The following ASB18 variants were observed in gnomAD, a reference collection of about 807,000 sequenced individuals.
The protein encoded by ASB18 is ankyrin repeat and SOCS box protein 18.
Under a neutral mutation model 33.4 loss-of-function variants are expected in ASB18, and 33 were observed. The ratio of observed to expected loss-of-function variants is 0.99; its 90% CI spans 0.75 to 1.32. ASB18 has a LOEUF of 1.32. ASB18 is among the 40% of genes most tolerant of loss of function. The pLI is 0.00. For missense variants in ASB18, 694 were observed against 655.5 expected (o/e 1.06, Z -0.64); for synonymous variants, 295 against 307.6 (o/e 0.96, Z 0.43).
In ASB18 at chr2:236,260,564, C is replaced by T. The variant is rs2060713102; in HGVS notation, c.205+3577G>A. Reference sequence around the variant, plus strand: ...ACCTTGAGAAAGAGAACATTTGCTCCCACAGGAAAAAGGAACCTATGCCCA... The same window carrying T: ...ACCTTGAGAAAGAGAACATTTGCTCTCACAGGAAAAAGGAACCTATGCCCA... On this transcript the variant is annotated intron_variant, in intron 1 of 5. Coordinates refer to ENST00000409749, the MANE Select transcript of ASB18 (RefSeq NM_212556.4). The surrounding 1 kb of genome is among the most constrained non-coding windows in gnomAD (Gnocchi z 5.1). 6.6e-6 allele frequency among the ~76,000 whole-genome samples: 1 copy of T among 152,134 alleles called. No individual in the cohort carries two copies. Among genetic ancestry groups the T allele is most frequent in the Non-Finnish European group, 1.5e-5 (1 of 68,032 alleles).
In ASB18 at chr2:236,219,536, C is replaced by A. The variant is rs770386136; in HGVS notation, c.597-4670G>T. On this transcript the variant is annotated intron_variant, in intron 3 of 5. Coordinates refer to ENST00000409749, the MANE Select transcript of ASB18 (RefSeq NM_212556.4). This position sits in a 1 kb window ranked among gnomAD's most constrained non-coding sequence, Gnocchi z 6.4. ...CTGGGAGCTACTCAGTGATAACAAT[C>A]GTGGGGACCTCTCAGACCTGACCCC... is the stretch of plus-strand genomic sequence containing the variant. 6.6e-6 allele frequency among the ~76,000 whole-genome samples: 1 copy of A among 152,094 alleles called. No individual in the cohort carries two copies. The highest frequency in any genetic ancestry group is 1.5e-5 in the Non-Finnish European group (1 of 68,026).
chr2:236,202,814 T>TATATATATATATATATATACACAC (rs1472095135), intron 4 of ASB18, among the ~76,000 whole-genome samples: 12 of 126,592 alleles, frequency 9.5e-5, no homozygotes, highest in African/African-American at 3.5e-4. Context: ...TATATATATA[T>TATATATATATATATATATACACAC]ACACACACCT....
chr2:236,205,874 G>A lies in ASB18; in HGVS notation c.1101+8488C>T, dbSNP rs971955732. On this transcript the variant is annotated intron_variant, in intron 4 of 5. Transcript: ENST00000409749. This position sits in a 1 kb window ranked among gnomAD's most constrained non-coding sequence, Gnocchi z 5.4. ...TTACTATTACAGCAGAAACATCTGA[G>A]TCCAGCCTGGTTTTTATTCCTTTAT... 4.6e-5 allele frequency among the ~76,000 whole-genome samples: 7 copies of A among 152,146 alleles called. No homozygotes were observed. Among genetic ancestry groups the A allele is most frequent in the Non-Finnish European group, 8.8e-5 (6 of 68,038 alleles).
intron 3 of ASB18, among the ~76,000 whole-genome samples, chr2:236,230,205 TAAG>T (rs1317722790): frequency 2.0e-5 from 3 of 151,044 alleles, no homozygotes; most frequent in African/African-American, 4.9e-5. Context: ...GCAGAAAAAA[TAAG>T]AAGAAAATAA....
rs2060376308 is a variant in ASB18 at position 236,196,777 on chromosome 2, C to A, written c.1102-392G>T. Among the ~76,000 whole-genome samples the A allele has an allele frequency of 6.6e-6, 1 of 152,274 alleles. No individual in the cohort carries two copies. Among genetic ancestry groups the A allele is most frequent in the Admixed American group, 6.5e-5 (1 of 15,298 alleles). ...GGAAGTTTGGCCCGAGGATGGTGTT[C>A]CCAATTTCTTACCTCAATTTTCAGA... On this transcript the variant is annotated intron_variant, in intron 4 of 5. Transcript: ENST00000409749. The surrounding 1 kb of genome is among the most constrained non-coding windows in gnomAD (Gnocchi z 5.6).
rs2060639928 is a variant in ASB18 at position 236,245,364 on chromosome 2, G to A, written c.206-3962C>T. 1.3e-5 allele frequency among the ~76,000 whole-genome samples: 2 copies of A among 152,208 alleles called. No homozygotes were observed. Among genetic ancestry groups the A allele is most frequent in the Admixed American group, 6.5e-5 (1 of 15,290 alleles). ...GAGGAAACTGGGACTCACAGATTCA[G>A]TTACCTTTCTCAAGATTTCTGAATC... On this transcript the variant is annotated intron_variant, in intron 1 of 5. Transcript: ENST00000409749. The surrounding 1 kb of genome is among the most constrained non-coding windows in gnomAD (Gnocchi z 4.7).
At position 236,263,992 on chromosome 2, in the gene ASB18, CAT is replaced by C; in HGVS notation, c.205+147_205+148del. ...GCATGTACATGGTCTATGCAGTACA[CAT>C]ATATGCATGTATGTATGAGAGTCAG... On this transcript the variant is annotated intron_variant, in intron 1 of 5. Coordinates refer to ENST00000409749, the MANE Select transcript of ASB18 (RefSeq NM_212556.4). The surrounding 1 kb of genome is among the most constrained non-coding windows in gnomAD (Gnocchi z 4.0). 1.5e-6 allele frequency: 1 copy of C among 678,112 alleles called. No individual in the cohort carries two copies. Among genetic ancestry groups the C allele is most frequent in the South Asian group, 1.8e-5 (1 of 56,532 alleles). The allele number at this position is 678,112 out of a possible 1,614,324, so 42.0% of individuals were successfully genotyped here. A position where few individuals can be genotyped will look rare whatever the true frequency, so the allele number is the denominator to read the frequency against.
At position 236,237,362 on chromosome 2, in the gene ASB18, GGGGGCCGGGGCCGGGGCGC is replaced by G. The variant is rs1559335042; in HGVS notation, c.596+308_596+326del. 1.0e-5 allele frequency among the ~76,000 whole-genome samples: 1 copy of G among 97,592 alleles called. No individual in the cohort carries two copies. Among genetic ancestry groups the G allele is most frequent in the Non-Finnish European group, 2.3e-5 (1 of 43,090 alleles). The allele number at this position is 97,592 out of a possible 152,430, so 64.0% of individuals were successfully genotyped here. ...GGGGGCCGGGGCCGGGGCGCGGGGC[GGGGGCCGGGGCCGGGGCGC>G]GGGGCGGGGGCCGGGGCCGGGGCGC... is the stretch of plus-strand genomic sequence containing the variant. On this transcript the variant is annotated intron_variant, in intron 3 of 5. Transcript: ENST00000409749. This position sits in a 1 kb window ranked among gnomAD's most constrained non-coding sequence, Gnocchi z 6.2.
intron 4 of ASB18, among the ~76,000 whole-genome samples, chr2:236,207,315 A>G (rs2060439181): frequency 6.6e-6 from 1 of 152,160 alleles, no homozygotes; most frequent in Non-Finnish European, 1.5e-5. Context: ...TTCTTGGTGT[A>G]ACTATCTCCT....
At chr2:236,230,018 T>C (rs900701225) in intron 3 of ASB18, among the ~76,000 whole-genome samples, 1 of 151,908 alleles carries the variant, frequency 6.6e-6, no homozygotes, top group African/African-American at 2.4e-5. Flanking sequence ...AGACCTCAAC[T>C]CTACAATAAA....
rs990367157 is a variant in ASB18 at position 236,220,147 on chromosome 2, G to A, written c.597-5281C>T. ...ACCCATCAAGGACTGTTGAATCAAT[G>A]TCATTCCAATTCATGTCTATGGGGT... On this transcript the variant is annotated intron_variant, in intron 3 of 5. Coordinates refer to ENST00000409749, the MANE Select transcript of ASB18 (RefSeq NM_212556.4). This position sits in a 1 kb window ranked among gnomAD's most constrained non-coding sequence, Gnocchi z 5.1. 1.3e-5 allele frequency among the ~76,000 whole-genome samples: 2 copies of A among 152,190 alleles called. No individual in the cohort carries two copies. The highest frequency in any genetic ancestry group is 6.5e-5 in the Admixed American group (1 of 15,274).
chr2:236,199,847 A>G (rs2060391790), intron 4 of ASB18, among the ~76,000 whole-genome samples: 1 of 152,152 alleles, frequency 6.6e-6, no homozygotes, highest in African/African-American at 2.4e-5. Context: ...TCAGGAAGGC[A>G]CAGTAGATCT....
At position 236,208,416 on chromosome 2, in the gene ASB18, C is replaced by A. The variant is rs891696682; in HGVS notation, c.1101+5946G>T. On this transcript the variant is annotated intron_variant, in intron 4 of 5. Transcript: ENST00000409749. This position sits in a 1 kb window ranked among gnomAD's most constrained non-coding sequence, Gnocchi z 7.7. ...TAAGAAGGACTCACGCTGGACCCCT[C>A]GGGATGGAGTCTGCTGCTATTTATC... Among the ~76,000 whole-genome samples, 1 of 152,188 alleles carries A rather than the reference C, an allele frequency of 6.6e-6. No individual in the cohort carries two copies. The highest frequency in any genetic ancestry group is 6.5e-5 in the Admixed American group (1 of 15,278).
At chr2:236,240,034 A>G (rs757696988) in intron 2 of ASB18, among the ~76,000 whole-genome samples, 2 of 152,236 alleles carry the variant, frequency 1.3e-5, no homozygotes, top group African/African-American at 2.4e-5. Context: ...ACCACAGGAC[A>G]GCAGCAGAAC....
At position 236,256,841 on chromosome 2, in the gene ASB18, A is replaced by G. The variant is rs901857866; in HGVS notation, c.205+7300T>C. On this transcript the variant is annotated intron_variant, in intron 1 of 5. Coordinates refer to ENST00000409749, the MANE Select transcript of ASB18 (RefSeq NM_212556.4). This position sits in a 1 kb window ranked among gnomAD's most constrained non-coding sequence, Gnocchi z 4.7. The stretch of plus-strand genomic sequence containing the variant: ...GAAGCCGGACCATTAGCTCTAAGGC[A>G]TGCATCTCATCTCATCACAGTGTCA... Among the ~76,000 whole-genome samples, 1 of 152,062 alleles carries G rather than the reference A, an allele frequency of 6.6e-6. No individual in the cohort carries two copies. Among genetic ancestry groups the G allele is most frequent in the Non-Finnish European group, 1.5e-5 (1 of 68,028 alleles).
chr2:236,203,884 A>AAACCAACCAACCAACC lies in ASB18; in HGVS notation c.1102-7515_1102-7500dup, dbSNP rs558164843. ...CCCCTCTCAAAAACCAAACCAAACC[A>AAACCAACCAACCAACC]AACCAACCAACCAACCAACCAACCA... On this transcript the variant is annotated intron_variant, in intron 4 of 5. Coordinates refer to ENST00000409749, the MANE Select transcript of ASB18 (RefSeq NM_212556.4). The surrounding 1 kb of genome is among the most constrained non-coding windows in gnomAD (Gnocchi z 6.0). 8.3e-6 allele frequency among the ~76,000 whole-genome samples: 1 copy of AAACCAACCAACCAACC among 120,730 alleles called. No individual in the cohort carries two copies. The highest frequency in any genetic ancestry group is 3.1e-5 in the African/African-American group (1 of 32,720). The allele number at this position is 120,730 out of a possible 152,430, so 79.2% of individuals were successfully genotyped here.
chr2:236,236,169 T>C (rs913420191), intron 3 of ASB18, among the ~76,000 whole-genome samples: 1 of 152,228 alleles, frequency 6.6e-6, no homozygotes, highest in Non-Finnish European at 1.5e-5. Context: ...CATAACATAC[T>C]GTGGTTCATC....
In ASB18 at chr2:236,215,901, C is replaced by T. The variant is rs1247086139; in HGVS notation, c.597-1035G>A. Among the ~76,000 whole-genome samples the T allele has an allele frequency of 6.6e-6, 1 of 152,200 alleles. No individual in the cohort carries two copies. Among genetic ancestry groups the T allele is most frequent in the African/African-American group, 2.4e-5 (1 of 41,442 alleles). On this transcript the variant is annotated intron_variant, in intron 3 of 5. Coordinates refer to ENST00000409749, the MANE Select transcript of ASB18 (RefSeq NM_212556.4). This position sits in a 1 kb window ranked among gnomAD's most constrained non-coding sequence, Gnocchi z 7.2. ...TCAGACTACAGCCCTAGTCCTCTAG[C>T]TCCCCAATGCCTGTTGGTCCTACTT...
In ASB18 at chr2:236,227,634, T is replaced by C. The variant is rs576856102; in HGVS notation, c.596+10055A>G. ...ATATCTATGTGTAGATATAAAATTG[T>C]ATAGTATGAAAATGTGATCAAACTT... On this transcript the variant is annotated intron_variant, in intron 3 of 5. Transcript: ENST00000409749. 2.0e-5 allele frequency among the ~76,000 whole-genome samples: 3 copies of C among 152,260 alleles called. No individual in the cohort carries two copies. The East Asian group carries it at 5.8e-4, about 29-fold the overall frequency.
Sources: allele counts gnomAD v4.1 joint callset (sites outside exome capture counted in the v4.1 genomes callset), GRCh38; gene constraint gnomAD v4.1.1; non-coding constraint Gnocchi (gnomAD v3.1); transcripts MANE v1.5; gene names NCBI Gene and HGNC (gene_info 2026-07-23, HGNC 2026-07-21).